Variants in AVEN observed in about 807,000 individuals in gnomAD.
AVEN encodes cell death regulator Aven.
In AVEN, 41 loss-of-function variants were observed where a neutral mutation model predicts 38.1. The observed-to-expected ratio is 1.08, with a 90% CI of 0.84 to 1.40. The LOEUF (loss-of-function observed/expected upper bound fraction) is 1.40, where lower values mean the gene tolerates loss of function less well. Among genes scored for constraint, AVEN ranks in the 40% most tolerant of loss-of-function variants. The pLI is 0.00. For missense variants in AVEN, 605 were observed against 438.8 expected (o/e 1.38, Z -3.38); for synonymous variants, 206 against 171.8 (o/e 1.20, Z -1.56).
intron 2 of AVEN, among the ~76,000 whole-genome samples, chr15:33,982,969 A>G (rs1478363673): frequency 1.3e-5 from 2 of 151,912 alleles, no homozygotes; most frequent in Non-Finnish European, 2.9e-5. Context: ...TCCTGTTGGG[A>G]TAATTTTTGA....
chr15:33,900,627 C>A (rs201282588), intron 2 of AVEN, among the ~76,000 whole-genome samples: 54 of 148,480 alleles, frequency 3.6e-4, no homozygotes, highest in Non-Finnish European at 3.6e-4. Flanking sequence ...TTTTTAAATA[C>A]AAAAAAAAAA....
chr15:33,859,513 A>G, intron 11 of AVEN: 1 of 1,575,572 alleles, frequency 6.3e-7, no homozygotes, highest in Non-Finnish European at 8.7e-7. Context: ...GAATGATCTG[A>G]GCATCTTGCT....
intron 2 of AVEN, among the ~76,000 whole-genome samples, chr15:33,899,324 G>A (rs1892383170): frequency 6.6e-6 from 1 of 152,094 alleles, no homozygotes; most frequent in Non-Finnish European, 1.5e-5. Flanking sequence ...TATGGTAGTA[G>A]AACTAGAAAC....
At chr15:34,018,690 T>A (rs1898067631) in intron 1 of AVEN, among the ~76,000 whole-genome samples, 1 of 152,230 alleles carries the variant, frequency 6.6e-6, no homozygotes, top group African/African-American at 2.4e-5. Context: ...GGGTTGCTGC[T>A]GCTGGCTGGG....
chr15:33,983,162 G>GTGTGTGTGTGTGTA (rs1896240399), intron 2 of AVEN, among the ~76,000 whole-genome samples: 4 of 87,204 alleles, frequency 4.6e-5, no homozygotes, highest in African/African-American at 3.1e-4. Context: ...GTGTGTGTAT[G>GTGTGTGTGTGTGTA]TGTGTGTGTA....
At chr15:33,988,695 A>C (rs554310100) in intron 2 of AVEN, among the ~76,000 whole-genome samples, 1 of 152,350 alleles carries the variant, frequency 6.6e-6, no homozygotes, top group Admixed American at 6.5e-5. Flanking sequence ...TTAACACACA[A>C]GTAAAACACT....
intron 2 of AVEN, among the ~76,000 whole-genome samples, chr15:34,070,137 C>A (rs1338565418): frequency 6.6e-6 from 1 of 152,166 alleles, no homozygotes; most frequent in East Asian, 1.9e-4. Context: ...TGAGTGCCAG[C>A]AGGGAAAATG....
At chr15:33,977,065 T>C (rs752899420) in intron 2 of AVEN, among the ~76,000 whole-genome samples, 2 of 152,176 alleles carry the variant, frequency 1.3e-5, no homozygotes, top group African/African-American at 4.8e-5. Context: ...ATATCTTGTA[T>C]AGAAAAAAAT....
chr15:33,901,979 T>C (rs934932317), intron 2 of AVEN, among the ~76,000 whole-genome samples: 4 of 152,198 alleles, frequency 2.6e-5, no homozygotes, highest in African/African-American at 7.2e-5. Context: ...CTTTCCATTT[T>C]GTTGACTGGT....
rs143488938 is a variant in AVEN, at chr15:34,031,381, G to T, written c.267+7399C>A. 5.3e-3 allele frequency among the ~76,000 whole-genome samples: 800 copies of T among 151,792 alleles called. 4 individuals carry two copies. The highest frequency in any genetic ancestry group is 9.2e-3 in the Non-Finnish European group (627 of 67,888). ...ATAGCGACAGGGTTTCATCATGTTG[G>T]TCAGGCTGGTCTCGAACTCCTGACC... On this transcript the variant is annotated intron_variant, in intron 1 of 5. Transcript: ENST00000306730.
At chr15:34,067,358 G>A (rs1900538305) in intron 2 of AVEN, 1 of 152,250 alleles carries the variant, frequency 6.6e-6, no homozygotes, top group South Asian at 2.1e-4. Flanking sequence ...ATCTCCAGTT[G>A]TCTACTGTAA....
intron 2 of AVEN, among the ~76,000 whole-genome samples, chr15:33,887,287 G>C (rs557258217): frequency 6.6e-6 from 1 of 152,248 alleles, no homozygotes; most frequent in Admixed American, 6.5e-5. Flanking sequence ...CTAGGGGAGG[G>C]ATTGTGCTCA....
intron 5 of AVEN, among the ~76,000 whole-genome samples, chr15:34,045,902 G>A (rs552177611): frequency 3.9e-5 from 6 of 152,166 alleles, no homozygotes; most frequent in Non-Finnish European, 5.9e-5. Flanking sequence ...GAAACCCAGA[G>A]GCTTTTATTA....
intron 2 of AVEN, among the ~76,000 whole-genome samples, chr15:33,895,196 T>A (rs755894572): frequency 5.3e-5 from 8 of 152,178 alleles, no homozygotes; most frequent in Non-Finnish European, 7.3e-5. Context: ...TAAATCAGAT[T>A]TGGGCTGATT....
At chr15:34,034,135 C>T (rs1032435327) in intron 1 of AVEN, among the ~76,000 whole-genome samples, 1 of 152,120 alleles carries the variant, frequency 6.6e-6, no homozygotes, top group Admixed American at 6.5e-5. Flanking sequence ...AATATCAAAT[C>T]ACTCTAGTAT....
At chr15:33,982,298 G>A (rs1896187114) in intron 2 of AVEN, among the ~76,000 whole-genome samples, 1 of 152,054 alleles carries the variant, frequency 6.6e-6, no homozygotes, top group African/African-American at 2.4e-5. Flanking sequence ...TTTTTCAGCA[G>A]TGCTGCCTTC....
At chr15:33,865,193 C>G, downstream of AVEN, 5 of 1,613,778 alleles carry the variant, frequency 3.1e-6, no homozygotes, top group Non-Finnish European at 4.2e-6. Flanking sequence ...CCGGTGACTG[C>G]TTTCGTAAAC....
intron 2 of AVEN, among the ~76,000 whole-genome samples, chr15:33,964,243 T>G (rs576758082): frequency 6.6e-6 from 1 of 152,252 alleles, no homozygotes; most frequent in African/African-American, 2.4e-5. Context: ...TACTAGGGTA[T>G]GGTTGTAAAA....
intron 11 of AVEN, chr15:33,861,201 A>C (rs1888067682): frequency 6.5e-7 from 1 of 1,527,058 alleles, no homozygotes; most frequent in Non-Finnish European, 8.9e-7. Context: ...GGTTAACAAA[A>C]GTAATGGCAG....
Sources: allele counts gnomAD v4.1 joint callset (sites outside exome capture counted in the v4.1 genomes callset), GRCh38; gene constraint gnomAD v4.1.1; transcripts MANE v1.5; gene names NCBI Gene and HGNC (gene_info 2026-07-23, HGNC 2026-07-21).